The following FRMD6 variants were observed in gnomAD, a reference collection of about 807,000 sequenced individuals.
FRMD6 encodes FERM domain-containing protein 6.
In FRMD6, 37 loss-of-function variants were observed where a neutral mutation model predicts 73.2. That is an observed-to-expected ratio of 0.51 (90% CI 0.39 to 0.66). The LOEUF is 0.66. FRMD6 is among the 30% of genes least tolerant of loss of function. The pLI is 0.00. For missense variants in FRMD6, 714 were observed against 780.5 expected (o/e 0.91, Z 1.02); for synonymous variants, 273 against 282.2 (o/e 0.97, Z 0.33).
At chr14:51,547,431 G>C (rs1193846129) in intron 1 of FRMD6, among the ~76,000 whole-genome samples, 1 of 152,154 alleles carries the variant, frequency 6.6e-6, no homozygotes, top group East Asian at 1.9e-4. Context: ...GTCACAGGCT[G>C]TAATGCATGA....
chr14:51,533,493 A>G (rs1056639691), intron 1 of FRMD6, among the ~76,000 whole-genome samples: 7 of 152,192 alleles, frequency 4.6e-5, no homozygotes, highest in African/African-American at 9.7e-5. Flanking sequence ...AGTCTAATGC[A>G]TAGAGATTAC....
At chr14:51,705,471 C>A (rs2023010714) in intron 6 of FRMD6, among the ~76,000 whole-genome samples, 1 of 152,068 alleles carries the variant, frequency 6.6e-6, no homozygotes, top group African/African-American at 2.4e-5. Context: ...TCCCGTCCTT[C>A]CTCCATGTCT....
chr14:51,412,990 ATTTTTTTT>A, the FRMD6 span, among the ~76,000 whole-genome samples: 2 of 134,140 alleles, frequency 1.5e-5, no homozygotes, highest in Non-Finnish European at 1.6e-5. Flanking sequence ...CCATAGTTAA[ATTTTTTTT>A]TTTTTTTTTT....
chr14:51,569,957 A>G (rs1176220060), intron 1 of FRMD6, among the ~76,000 whole-genome samples: 2 of 151,852 alleles, frequency 1.3e-5, no homozygotes, highest in Admixed American at 1.3e-4. Flanking sequence ...CTGGGACTAC[A>G]GGTGTGCGCC....
Position 51,728,302 on chromosome 14 carries a change from C to A in FRMD6, c.*273C>A. On this transcript the variant is annotated 3_prime_UTR_variant, in exon 14 of 14. Coordinates refer to ENST00000344768, the MANE Select transcript of FRMD6 (RefSeq NM_001267046.2). Reference sequence around the variant, plus strand: ...AAATGCGCTTTACTGATTGCAAAGCCTTCAGAATATTGGAGTGTGGTGTGT... The same window carrying A: ...AAATGCGCTTTACTGATTGCAAAGCATTCAGAATATTGGAGTGTGGTGTGT... The A allele has an allele frequency of 2.6e-6, 1 of 378,026 alleles. No individual in the cohort carries two copies. The highest frequency in any genetic ancestry group is 4.2e-5 in the East Asian group (1 of 23,650). The allele number at this position is 378,026 out of a possible 1,614,324, so 23.4% of individuals were successfully genotyped here. A position where few individuals can be genotyped will look rare whatever the true frequency, so the allele number is the denominator to read the frequency against.
At chr14:51,557,314 A>C (rs1449355812) in intron 1 of FRMD6, among the ~76,000 whole-genome samples, 1 of 152,178 alleles carries the variant, frequency 6.6e-6, no homozygotes, top group African/African-American at 2.4e-5. Context: ...CAGCCTTTAA[A>C]GAGAAGAAGG....
chr14:51,605,721 T>C (rs1310500608), intron 2 of FRMD6, among the ~76,000 whole-genome samples: 1 of 152,182 alleles, frequency 6.6e-6, no homozygotes, highest in Non-Finnish European at 1.5e-5. Flanking sequence ...CTTTCTATCA[T>C]TGGAAATGGT....
chr14:51,648,878 T>C (rs1892198612), upstream of FRMD6, among the ~76,000 whole-genome samples: 1 of 152,202 alleles, frequency 6.6e-6, no homozygotes, highest in South Asian at 2.1e-4. Flanking sequence ...TTAAATGCCA[T>C]GGAAAAAGTA....
chr14:51,642,514 C>T (rs925528613), intron 2 of FRMD6, among the ~76,000 whole-genome samples: 4 of 152,076 alleles, frequency 2.6e-5, no homozygotes, highest in Admixed American at 6.6e-5. Flanking sequence ...CCATCCTGGG[C>T]GACAAGAGAG....
At chr14:51,532,032 T>C in intron 1 of FRMD6, among the ~76,000 whole-genome samples, 1 of 152,214 alleles carries the variant, frequency 6.6e-6, no homozygotes, top group East Asian at 1.9e-4. Flanking sequence ...TCGCTGAATA[T>C]CTGTCAAAAT....
At chr14:51,650,140 C>G (rs1234286991), upstream of FRMD6, 1 of 152,116 alleles carries the variant, frequency 6.6e-6, no homozygotes, top group Non-Finnish European at 1.5e-5. Flanking sequence ...AGAAACTGCC[C>G]AGTTTTATCA....
rs150568838 is a variant in FRMD6 at position 51,698,198 on chromosome 14, G to A, written c.156G>A (p.Lys52=). 267 of 1,612,430 alleles carry A rather than the reference G, an allele frequency of 1.7e-4. No individual in the cohort carries two copies. In the African/African-American group the frequency reaches 3.2e-3, roughly 19 times the overall value. ...LVQVCDLLRL[K]DCHLFGLSVI... is the part of the protein sequence containing the mutation. ...AGGTTTGTGACCTGCTCAGGCTAAA[G>A]GACTGCCACCTCTTTGGACTCAGTG... Residue 52 remains lysine (K), a synonymous_variant, in exon 3 of 14, where the codon AAG becomes AAA. Coordinates refer to ENST00000344768, the MANE Select transcript of FRMD6 (RefSeq NM_001267046.2).
At chr14:51,432,487 C>T in the FRMD6 span, among the ~76,000 whole-genome samples, 1 of 152,108 alleles carries the variant, frequency 6.6e-6, no homozygotes, top group Non-Finnish European at 1.5e-5. Flanking sequence ...TTGACCTTTG[C>T]CAAATGGTGA....
At chr14:51,617,115 G>A (rs1025686209) in intron 2 of FRMD6, among the ~76,000 whole-genome samples, 7 of 152,208 alleles carry the variant, frequency 4.6e-5, no homozygotes, top group African/African-American at 1.7e-4. Context: ...AGGCAGTGTT[G>A]CTCTTGCTAA....
At chr14:51,475,882 G>A in the FRMD6 span, among the ~76,000 whole-genome samples, 4 of 152,182 alleles carry the variant, frequency 2.6e-5, no homozygotes, top group Admixed American at 1.3e-4. Context: ...GTCTACTAAC[G>A]TAATTGTCGA....
At chr14:51,620,621 T>C (rs1173552992) in intron 2 of FRMD6, among the ~76,000 whole-genome samples, 2 of 152,198 alleles carry the variant, frequency 1.3e-5, no homozygotes, top group African/African-American at 4.8e-5. Context: ...TCTTGACCCC[T>C]AGGAATGTCA....
the FRMD6 span, among the ~76,000 whole-genome samples, chr14:51,474,411 T>G: frequency 6.6e-6 from 1 of 152,158 alleles, no homozygotes; most frequent in African/African-American, 2.4e-5. Flanking sequence ...AATGGCAGTT[T>G]GGGACTGGCG....
At chr14:51,720,412 T>C (rs1897485813) in intron 11 of FRMD6, 22 bp downstream of exon 11, 1 of 1,608,412 alleles carries the variant, frequency 6.2e-7, no homozygotes, top group Non-Finnish European at 8.5e-7. Context: ...GTCCCCTCAC[T>C]GGCTCTCTGT....
chr14:51,612,124 C>T (rs1370207901), intron 2 of FRMD6, among the ~76,000 whole-genome samples: 1 of 152,120 alleles, frequency 6.6e-6, no homozygotes, highest in East Asian at 1.9e-4. Context: ...AAAAGAAATG[C>T]CTGAACATCT....
Sources: gnomAD v4.1 joint callset for allele counts (sites outside exome capture counted in the v4.1 genomes callset) on GRCh38, gnomAD v4.1.1 for gene constraint, MANE v1.5 for transcripts, NCBI Gene and HGNC (gene_info 2026-07-23, HGNC 2026-07-21) for gene names.